The following CEBPZ variants were observed in gnomAD, a reference collection of about 807,000 sequenced individuals.
CEBPZ encodes CCAAT enhancer binding protein zeta.
A neutral mutation model predicts 104.5 loss-of-function variants in CEBPZ; 78 were observed. The ratio of observed to expected loss-of-function variants is 0.75; its 90% CI spans 0.62 to 0.90. CEBPZ has a LOEUF of 0.90. Among genes scored for constraint, CEBPZ ranks in the 40% least tolerant of loss-of-function variants. The pLI is 0.00. For missense variants in CEBPZ, 1,439 were observed against 1,233.5 expected, an observed-to-expected ratio of 1.17 and a Z score of -2.50; for synonymous variants, 470 against 427.0, an observed-to-expected ratio of 1.10 and a Z score of -1.24.
Position 37,222,476 on chromosome 2 carries a change from C to G in CEBPZ, c.1969G>C (p.Val657Leu). 1 of 1,611,214 alleles carries G rather than the reference C, an allele frequency of 6.2e-7. No individual in the cohort carries two copies. The highest frequency in any genetic ancestry group is 8.5e-7 in the Non-Finnish European group (1 of 1,179,094). ...FTDADKETEI[V>L]KKLETEETVP... ...GTTTCCTCTGTCTCAAGTTTTTTCA[C>G]TATCTCTGTTTCTTTGTCTGCATCA... Residue 657 changes from valine (V) to leucine (L), a missense_variant, in exon 4 of 16, where the codon GTG (valine) becomes CTG (leucine). Physicochemically the swap from Val to Leu is conservative, Grantham distance 32. Transcript: ENST00000234170.
intron 2 of CEBPZ, 103 bp downstream of exon 2, chr2:37,227,441 C>T (rs186094277): frequency 2.6e-5 from 34 of 1,314,256 alleles, no homozygotes; most frequent in Non-Finnish European, 3.0e-5. Flanking sequence ...GGGCCTAAAA[C>T]CAAATTTTCT....
At chr2:37,217,076 G>T in intron 5 of CEBPZ, 39 bp from the exon 6 acceptor site, 1 of 1,523,744 alleles carries the variant, frequency 6.6e-7, no homozygotes. Flanking sequence ...TATTTCTAAG[G>T]TCGACTCTTA....
chr2:37,217,248 T>C (rs148744691), intron 5 of CEBPZ, among the ~76,000 whole-genome samples: 32 of 151,726 alleles, frequency 2.1e-4, no homozygotes, highest in Non-Finnish European at 3.8e-4. Flanking sequence ...AGTACAAAAA[T>C]AGTCAGGGTG....
At chr2:37,218,033 C>T (rs535176831) in intron 5 of CEBPZ, among the ~76,000 whole-genome samples, 14 of 151,088 alleles carry the variant, frequency 9.3e-5, no homozygotes, top group South Asian at 6.3e-4. Flanking sequence ...TTTGGGAGGC[C>T]GAGGCGGGCG....
intron 13 of CEBPZ, among the ~76,000 whole-genome samples, chr2:37,206,561 T>G (rs1173036258): frequency 1.3e-5 from 2 of 152,194 alleles, no homozygotes; most frequent in African/African-American, 4.8e-5. Context: ...TTTTGCCATG[T>G]TGGCCAGGCT....
chr2:37,219,617 C>T lies in CEBPZ; in HGVS notation c.2154+768G>A, dbSNP rs1006970834. Among the ~76,000 whole-genome samples, 3 of 152,152 alleles carry T rather than the reference C, an allele frequency of 2.0e-5. No individual in the cohort carries two copies. In the South Asian group the frequency reaches 6.2e-4, roughly 32 times the overall value. On this transcript the variant is annotated intron_variant, in intron 5 of 15. Transcript: ENST00000234170. Reference sequence around the variant, plus strand: ...CCTGGCCGACTCACTAAAAAGGTATCAGGAACTCTTAGTGGTCTGGCCGCA... The same window carrying T: ...CCTGGCCGACTCACTAAAAAGGTATTAGGAACTCTTAGTGGTCTGGCCGCA...
In CEBPZ at chr2:37,220,959, T is replaced by C. The variant is rs149218547; in HGVS notation, c.2066-486A>G. 2.8e-3 allele frequency among the ~76,000 whole-genome samples: 428 copies of C among 150,542 alleles called. 2 individuals are homozygous for C. The highest frequency in any genetic ancestry group is 0.01 in the African/African-American group (411 of 40,822). On this transcript the variant is annotated intron_variant, in intron 4 of 15. Coordinates refer to ENST00000234170, the MANE Select transcript of CEBPZ (RefSeq NM_005760.3). ...TTGCAGTGAACCAAGATCGTGCCAT[T>C]GTGATCCAGCCTTCCTGACAGAGCA...
At chr2:37,215,398 C>G (rs1363658968) in intron 8 of CEBPZ, 1 of 152,666 alleles carries the variant, frequency 6.6e-6, no homozygotes, top group Non-Finnish European at 1.5e-5. Flanking sequence ...TTCCTTTATA[C>G]TGAGGAAAAC....
At chr2:37,222,031 C>A (rs1264388655) in intron 4 of CEBPZ, among the ~76,000 whole-genome samples, 1 of 152,202 alleles carries the variant, frequency 6.6e-6, no homozygotes, top group Admixed American at 6.5e-5. Flanking sequence ...CGCCTGTAAT[C>A]CCAGCACTTT....
At chr2:37,203,283 G>T (rs1677370957) in intron 13 of CEBPZ, 1 of 237,622 alleles carries the variant, frequency 4.2e-6, no homozygotes, top group Non-Finnish European at 8.0e-6. Context: ...ACCCATAAGG[G>T]AAATAACATA....
In CEBPZ at chr2:37,228,795, C is replaced by T. The variant is rs574164426; in HGVS notation, c.398G>A (p.Arg133Lys). Residue 133 changes from arginine (R) to lysine (K), a missense_variant, in exon 2 of 16, where the codon AGG becomes AAG. Physicochemically the swap from Arg to Lys is conservative, Grantham distance 26. Transcript: ENST00000234170. ...INNKNTAESQ[R>K]TSVNKVKNKN... Reference sequence around the variant, plus strand: ...ATTTTTCACCTTATTAACTGATGTCCTTTGACTTTCTGCTGTATTTTTATT... The same window carrying T: ...ATTTTTCACCTTATTAACTGATGTCTTTTGACTTTCTGCTGTATTTTTATT... The T allele has an allele frequency of 8.1e-6, 13 of 1,609,810 alleles. No homozygotes were observed. Among genetic ancestry groups the T allele is most frequent in the African/African-American group, 2.7e-5 (2 of 74,702 alleles).
intron 10 of CEBPZ, 34 bp from the exon 11 acceptor site, chr2:37,212,426 A>G: frequency 6.5e-7 from 1 of 1,539,794 alleles, no homozygotes; most frequent in Admixed American, 1.7e-5. Flanking sequence ...AGATACAACA[A>G]AGAATGACAA....
At chr2:37,208,534 A>G (rs910350352) in intron 13 of CEBPZ, among the ~76,000 whole-genome samples, 1 of 152,184 alleles carries the variant, frequency 6.6e-6, no homozygotes, top group African/African-American at 2.4e-5. Context: ...ACAATTAAAA[A>G]CAAAAATCAT....
intron 12 of CEBPZ, 110 bp downstream of exon 12, chr2:37,211,733 A>G: frequency 1.4e-6 from 1 of 724,054 alleles, no homozygotes; most frequent in Non-Finnish European, 2.1e-6. Context: ...GGCTGACATG[A>G]GTATTAATTT....
At chr2:37,226,389 A>G (rs989079769) in intron 2 of CEBPZ, among the ~76,000 whole-genome samples, 2 of 152,214 alleles carry the variant, frequency 1.3e-5, no homozygotes, top group Non-Finnish European at 2.9e-5. Context: ...AGTGTTAGGC[A>G]CTGTTAAGCA....
intron 13 of CEBPZ, among the ~76,000 whole-genome samples, chr2:37,206,615 C>T (rs761954657): frequency 2.3e-4 from 35 of 152,144 alleles, no homozygotes; most frequent in Non-Finnish European, 4.1e-4. Context: ...CTGGGCCTCC[C>T]GAAGTGCTGG....
At position 37,201,729 on chromosome 2, in the gene CEBPZ, AAGT is replaced by A; in HGVS notation, c.*32_*34del. 1 of 1,203,052 alleles carries A rather than the reference AAGT, an allele frequency of 8.3e-7. No individual in the cohort carries two copies. The highest frequency in any genetic ancestry group is 1.3e-5 in the South Asian group (1 of 77,724). The allele number at this position is 1,203,052 out of a possible 1,614,324, so 74.5% of individuals were successfully genotyped here. A position where few individuals can be genotyped will look rare whatever the true frequency, so the allele number is the denominator to read the frequency against. On this transcript the variant is annotated 3_prime_UTR_variant, in exon 16 of 16. Transcript: ENST00000234170. Reference sequence around the variant, plus strand: ...TGGTTGAACAGCAAAAATTAGATGTAAGTAGAATTTTAATCTATAATTTACATT... The same window carrying A: ...TGGTTGAACAGCAAAAATTAGATGTAAGAATTTTAATCTATAATTTACATT...
At position 37,213,963 on chromosome 2, in the gene CEBPZ, T is replaced by A; in HGVS notation, c.2448-2A>T. ...TTAACAGCAACTTTTTTATAATACC[T>A]ATAATATTCATGTTATATATTTGAC... is the stretch of plus-strand genomic sequence containing the variant. On this transcript the variant is annotated splice_acceptor_variant, in intron 9 of 15. Coordinates refer to ENST00000234170, the MANE Select transcript of CEBPZ (RefSeq NM_005760.3). LOFTEE classifies it high-confidence loss of function. 6.8e-7 allele frequency: 1 copy of A among 1,465,032 alleles called. No individual in the cohort carries two copies. The highest frequency in any genetic ancestry group is 9.2e-7 in the Non-Finnish European group (1 of 1,081,604). 90.8% of individuals were successfully genotyped at this position (1,465,032 alleles called of 1,614,324 possible). A position where few individuals can be genotyped will look rare whatever the true frequency, so the allele number is the denominator to read the frequency against.
intron 1 of CEBPZ, among the ~76,000 whole-genome samples, chr2:37,230,105 A>G (rs1665012961): frequency 6.6e-6 from 1 of 152,242 alleles, no homozygotes; most frequent in South Asian, 2.1e-4. Flanking sequence ...AATAATTTAA[A>G]TATTCACAAT....
Sources: gnomAD v4.1 joint callset for allele counts (sites outside exome capture counted in the v4.1 genomes callset) on GRCh38, gnomAD v4.1.1 for gene constraint, MANE v1.5 for transcripts, NCBI Gene and HGNC (gene_info 2026-07-23, HGNC 2026-07-21) for gene names.